Variants in FAS observed in about 807,000 individuals in gnomAD.
FAS encodes Fas cell surface death receptor.
A neutral mutation model predicts 33.2 loss-of-function variants in FAS; 5 were observed. That is an observed-to-expected ratio of 0.15 (90% CI 0.08 to 0.32). The LOEUF (loss-of-function observed/expected upper bound fraction) is 0.32. FAS is among the 10% of genes least tolerant of loss of function. The pLI is 1.00. For missense variants in FAS, 339 were observed against 386.0 expected (o/e 0.88, Z 1.02); for synonymous variants, 131 against 130.7 (o/e 1.00, Z -0.01).
chr10:88,999,171 A>AT, intron 1 of FAS, among the ~76,000 whole-genome samples: 1 of 99,822 alleles, frequency 1.0e-5, no homozygotes, highest in Non-Finnish European at 2.3e-5. Flanking sequence ...AAATAAATAA[A>AT]TAAAATAAAA....
intron 2 of FAS, among the ~76,000 whole-genome samples, chr10:89,003,786 T>C (rs535695752): frequency 4.6e-5 from 7 of 152,254 alleles, no homozygotes; most frequent in African/African-American, 1.7e-4. Context: ...AATTAGAAGC[T>C]AAGCAAAATG....
rs1469096221 is a variant in FAS at position 89,003,281 on chromosome 10, T to G, written c.196+87T>G. On this transcript the variant is annotated intron_variant, in intron 2 of 8. Transcript: ENST00000652046. ...AATCATGACTATAATAATTTTACAG[T>G]TTTTGGTTCCCCTATATTATATAAC... The G allele has an allele frequency of 4.1e-6, 6 of 1,479,748 alleles. No individual in the cohort carries two copies. In the East Asian group the frequency reaches 1.4e-4, roughly 35 times the overall value. The allele number at this position is 1,479,748 out of a possible 1,614,324, so 91.7% of individuals were successfully genotyped here. A position where few individuals can be genotyped will look rare whatever the true frequency, so the allele number is the denominator to read the frequency against.
chr10:88,989,412 A>T (rs199629461), upstream of FAS: 10 of 501,374 alleles, frequency 2.0e-5, no homozygotes, highest in African/African-American at 3.9e-5. Context: ...TGCAGAGATA[A>T]TACAGAGAAT....
intron 3 of FAS, among the ~76,000 whole-genome samples, chr10:89,008,170 A>G (rs1324952893): frequency 6.6e-6 from 1 of 152,216 alleles, no homozygotes; most frequent in African/African-American, 2.4e-5. Flanking sequence ...ATGGCCAGAA[A>G]AATTCAGAAG....
upstream of FAS, among the ~76,000 whole-genome samples, chr10:88,989,145 C>G (rs1056171181): frequency 6.6e-6 from 1 of 152,134 alleles, no homozygotes; most frequent in Non-Finnish European, 1.5e-5. Context: ...TTAATAATCA[C>G]TCATCTCACT....
intron 2 of FAS, among the ~76,000 whole-genome samples, chr10:89,004,982 A>G (rs9658741): frequency 0.39 from 59,608 of 152,042 alleles, 11,887 homozygotes; most frequent in East Asian, 0.51. Flanking sequence ...AAATACAGAG[A>G]AAAGACAGAT....
At chr10:88,989,686 G>A, upstream of FAS, 1 of 432,290 alleles carries the variant, frequency 2.3e-6, no homozygotes, top group South Asian at 1.7e-5. Context: ...AATGTCAACT[G>A]AGAGGAAGCC....
In FAS at chr10:88,978,956, C is replaced by T. The variant is rs1846642030; in HGVS notation, n.260+5609C>T. Among the ~76,000 whole-genome samples the T allele has an allele frequency of 2.6e-5, 4 of 151,742 alleles. No individual in the cohort carries two copies. In the South Asian group the frequency reaches 8.3e-4, roughly 32 times the overall value. ...TTCATCAAGAATTTACTGTTTCTGG[C>T]ACTGCATAGCATCTTTTCTATGAAT... On this transcript the variant is annotated intron_variant and non_coding_transcript_variant, in intron 2 of 3. Coordinates refer to the FAS transcript ENST00000688239.
chr10:88,986,903 G>T (rs1926199), upstream of FAS, among the ~76,000 whole-genome samples: 83,608 of 151,732 alleles, frequency 0.55, 24,525 homozygotes, highest in African/African-American at 0.77. Flanking sequence ...CAATGTAAAA[G>T]TAAAAATTAG....
At chr10:88,971,534 T>A (rs1314080350) in intron 1 of FAS, among the ~76,000 whole-genome samples, 1 of 152,204 alleles carries the variant, frequency 6.6e-6, no homozygotes, top group East Asian at 1.9e-4. Flanking sequence ...CAGGTTTAGA[T>A]CCAGATTTTG....
At chr10:88,990,743 G>A (rs954052275), upstream of FAS, 2 of 1,059,656 alleles carry the variant, frequency 1.9e-6, no homozygotes, top group Admixed American at 1.9e-5. This position sits in a 1 kb window ranked among gnomAD's most constrained non-coding sequence, Gnocchi z 4.9. Flanking sequence ...CTCAGGGGCG[G>A]GCACTGGCAC....
At chr10:88,996,858 T>C (rs1847628753) in intron 1 of FAS, among the ~76,000 whole-genome samples, 4 of 152,288 alleles carry the variant, frequency 2.6e-5, no homozygotes, top group Middle Eastern at 3.4e-3. Flanking sequence ...CCTCCCTCTC[T>C]CTGTAGTCCC....
chr10:89,000,167 G>A (rs2148286), intron 1 of FAS, among the ~76,000 whole-genome samples: 59,712 of 151,960 alleles, frequency 0.39, 11,915 homozygotes, highest in East Asian at 0.5. Flanking sequence ...ATGAAACAGA[G>A]GTTAATATTT....
chr10:88,994,300 C>T (rs945516203), intron 1 of FAS, among the ~76,000 whole-genome samples: 1 of 152,110 alleles, frequency 6.6e-6, no homozygotes, highest in Non-Finnish European at 1.5e-5. Context: ...AAGGAAATCC[C>T]CCCACTTGAA....
intron 1 of FAS, among the ~76,000 whole-genome samples, chr10:88,997,869 G>A (rs1323647668): frequency 6.6e-6 from 1 of 152,132 alleles, no homozygotes; most frequent in Non-Finnish European, 1.5e-5. Flanking sequence ...ACCCAGCCTA[G>A]CAGGACCAAT....
upstream of FAS, chr10:88,990,558 A>C (rs2133381361): frequency 1.6e-6 from 1 of 640,482 alleles, no homozygotes; most frequent in African/African-American, 1.8e-5. This position sits in a 1 kb window ranked among gnomAD's most constrained non-coding sequence, Gnocchi z 4.9. Flanking sequence ...CAAGTTGCTG[A>C]ATCAATGGAG....
upstream of FAS, among the ~76,000 whole-genome samples, chr10:88,989,940 T>C (rs1847065878): frequency 6.6e-6 from 1 of 152,208 alleles, no homozygotes; most frequent in African/African-American, 2.4e-5. Flanking sequence ...CTATCTACCG[T>C]TCCAAAGCAA....
At chr10:89,006,951 G>T (rs973599881) in intron 2 of FAS, among the ~76,000 whole-genome samples, 4 of 152,138 alleles carry the variant, frequency 2.6e-5, no homozygotes, top group African/African-American at 9.7e-5. Flanking sequence ...TAACAAGCCT[G>T]ATAGATAATA....
chr10:88,992,125 T>A (rs148155729), intron 1 of FAS, among the ~76,000 whole-genome samples: 3,561 of 152,264 alleles, frequency 0.023, 68 homozygotes, highest in South Asian at 0.051. Context: ...TGAACTCAGA[T>A]CTAATTCCAA....
Sources: gnomAD v4.1 joint callset for allele counts (sites outside exome capture counted in the v4.1 genomes callset) on GRCh38, gnomAD v4.1.1 for gene constraint, Gnocchi (gnomAD v3.1) non-coding constraint, MANE v1.5 for transcripts, NCBI Gene and HGNC (gene_info 2026-07-23, HGNC 2026-07-21) for gene names.